Variants in EML5 observed in about 807,000 individuals in gnomAD.
The protein encoded by EML5 is echinoderm microtubule-associated protein-like 5.
Under a neutral mutation model 250.0 loss-of-function variants are expected in EML5, and 120 were observed. The ratio of observed to expected loss-of-function variants is 0.48; its 90% CI spans 0.41 to 0.56. The LOEUF (loss-of-function observed/expected upper bound fraction) is 0.56. EML5 is among the 20% of genes least tolerant of loss of function. EML5 has a pLI of 0.00. For missense variants in EML5, 2,006 were observed against 2,437.6 expected (o/e 0.82, Z 3.73); for synonymous variants, 771 against 806.5 (o/e 0.96, Z 0.75).
In EML5 at chr14:88,688,338, T is replaced by C; in HGVS notation, c.2675A>G (p.Asp892Gly). 1.2e-6 allele frequency: 2 copies of C among 1,613,996 alleles called. No individual in the cohort carries two copies. The highest frequency in any genetic ancestry group is 1.7e-6 in the Non-Finnish European group (2 of 1,179,892). Residue 892 changes from aspartate (D) to glycine (G), a missense_variant, in exon 18 of 44, where the codon GAC becomes GGC. This residue lies in a region of EML5 where 1,375 missense variants were observed against 1,590.3 expected (regional missense o/e 0.86). Coordinates refer to ENST00000554922, the MANE Select transcript of EML5 (RefSeq NM_183387.3). ...TSTGDVCIWR[D>G]IFLVKTVKAH... ...TTTCACTGTTTTTACAAGAAAGATGTCTCTCCAGATACACACATCTCCTGT... is the reference window on the plus strand; with the variant it reads ...TTTCACTGTTTTTACAAGAAAGATGCCTCTCCAGATACACACATCTCCTGT...
intron 28 of EML5, among the ~76,000 whole-genome samples, chr14:88,648,688 C>T (rs1446383308): frequency 4.6e-5 from 7 of 152,056 alleles, no homozygotes. Flanking sequence ...AGTGGCCTCC[C>T]AACCTCCCTT....
chr14:88,654,678 C>CAAAAGGAG (rs994885310), intron 27 of EML5, among the ~76,000 whole-genome samples: 2 of 152,096 alleles, frequency 1.3e-5, no homozygotes, highest in African/African-American at 4.8e-5. Flanking sequence ...TTTGCATTTG[C>CAAAAGGAG]TGAGGAGTGT....
rs138618539 is a variant in EML5, at chr14:88,780,030, T to C, written c.197+12277A>G. On this transcript the variant is annotated intron_variant, in intron 1 of 43. Coordinates refer to ENST00000554922, the MANE Select transcript of EML5 (RefSeq NM_183387.3). ...AGTGGTGCAATCTCGGCTCACTCTGTAACCTCCACCTCCCAGGTTCAAGAG... is the reference window on the plus strand; with the variant it reads ...AGTGGTGCAATCTCGGCTCACTCTGCAACCTCCACCTCCCAGGTTCAAGAG... 5.7e-3 allele frequency among the ~76,000 whole-genome samples: 861 copies of C among 152,202 alleles called. 7 individuals carry two copies. Among genetic ancestry groups the C allele is most frequent in the African/African-American group, 0.02 (830 of 41,532 alleles).
intron 19 of EML5, among the ~76,000 whole-genome samples, chr14:88,686,124 G>T (rs1229261239): frequency 6.6e-6 from 1 of 151,944 alleles, no homozygotes; most frequent in African/African-American, 2.4e-5. Context: ...AGATGAGGGT[G>T]GGGGAAATCA....
chr14:88,789,883 T>A (rs551713542), intron 1 of EML5, among the ~76,000 whole-genome samples: 1 of 152,376 alleles, frequency 6.6e-6, no homozygotes, highest in African/African-American at 2.4e-5. Flanking sequence ...CAATAAGTTT[T>A]ACATAAGTTT....
chr14:88,689,498 T>C (rs1293144118), intron 17 of EML5, among the ~76,000 whole-genome samples: 1 of 152,258 alleles, frequency 6.6e-6, no homozygotes, highest in Non-Finnish European at 1.5e-5. Context: ...TTACTGGCCA[T>C]CATTACCTAT....
intron 21 of EML5, among the ~76,000 whole-genome samples, chr14:88,671,351 T>C (rs189449918): frequency 6.6e-6 from 1 of 152,154 alleles, no homozygotes. Context: ...GACAAGCAAA[T>C]GCTGAGGGAA....
chr14:88,697,949 C>T (rs1290813197), intron 14 of EML5, among the ~76,000 whole-genome samples: 2 of 151,984 alleles, frequency 1.3e-5, no homozygotes. Flanking sequence ...GTTGGTCAGG[C>T]TGGTCTCAAA....
chr14:88,613,194 A>G lies in EML5; in HGVS notation c.*2624T>C, dbSNP rs965922319. 1 of 152,178 alleles carries G rather than the reference A, an allele frequency of 6.6e-6. No individual in the cohort carries two copies. Among genetic ancestry groups the G allele is most frequent in the Admixed American group, 6.5e-5 (1 of 15,288 alleles). The allele number at this position is 152,178 out of a possible 1,614,324, so 9.4% of individuals were successfully genotyped here. The stretch of plus-strand genomic sequence containing the variant: ...TGATCCCACAGGAAAGGCTTGAAAC[A>G]CGAGAAGCAGCAAAGACAGAGCACA... On this transcript the variant is annotated 3_prime_UTR_variant, in exon 44 of 44. Coordinates refer to ENST00000554922, the MANE Select transcript of EML5 (RefSeq NM_183387.3).
rs755456351 is a variant in EML5, at chr14:88,627,771, A to G, written c.4406T>C (p.Leu1469Ser). ...HIWDAMNKQT[L>S]SILRCYHSKG... ...TGAATGGTAGCATCTTAGGATAGAT[A>G]AAGTCTGCTTGTTCATTGCATCCCA... Residue 1469 changes from leucine to serine, a missense_variant, in exon 34 of 44, where the codon TTA becomes TCA. Physicochemically the swap from Leu to Ser is moderately radical, Grantham distance 145. This residue lies in a region of EML5 where 1,375 missense variants were observed against 1,590.3 expected (regional missense o/e 0.86). Transcript: ENST00000554922. 1 of 1,610,142 alleles carries G rather than the reference A, an allele frequency of 6.2e-7. No individual in the cohort carries two copies. Among genetic ancestry groups the G allele is most frequent in the South Asian group, 1.1e-5 (1 of 90,346 alleles).
At chr14:88,741,907 T>G (rs2140259875) in intron 4 of EML5, among the ~76,000 whole-genome samples, 1 of 152,338 alleles carries the variant, frequency 6.6e-6, no homozygotes, top group East Asian at 1.9e-4. Flanking sequence ...TCATTATCTA[T>G]TCAAAGATCT....
chr14:88,623,503 C>G (rs2140348929), intron 36 of EML5: 1 of 151,322 alleles, frequency 6.6e-6, no homozygotes, highest in South Asian at 2.1e-4. Flanking sequence ...TCACTGCAAC[C>G]TGTGCCTCCC....
At chr14:88,644,201 TACAGTTCAATTAGGGTATTATTC>T (rs1167327006) in intron 30 of EML5, among the ~76,000 whole-genome samples, 2 of 152,158 alleles carry the variant, frequency 1.3e-5, no homozygotes, top group Admixed American at 1.3e-4. Flanking sequence ...TCCTCTGAGA[TACAGTTCAATTAGGGTATTATTC>T]ACAGAAAAGT....
At chr14:88,640,720 G>A (rs2091014768) in intron 31 of EML5, among the ~76,000 whole-genome samples, 1 of 151,694 alleles carries the variant, frequency 6.6e-6, no homozygotes, top group African/African-American at 2.4e-5. Context: ...GAGCAGAAAT[G>A]AACAATACTG....
intron 1 of EML5, among the ~76,000 whole-genome samples, chr14:88,762,521 AAAAGAAACTTAC>A (rs2094259691): frequency 6.6e-6 from 1 of 151,924 alleles, no homozygotes; most frequent in Non-Finnish European, 1.5e-5. Context: ...GGGGGAAAAA[AAAAGAAACTTAC>A]AAAGAGATTT....
At chr14:88,659,182 T>A (rs931755570) in intron 25 of EML5, among the ~76,000 whole-genome samples, 2 of 152,102 alleles carry the variant, frequency 1.3e-5, no homozygotes, top group African/African-American at 2.4e-5. Flanking sequence ...AAATGAGAGA[T>A]GTCTTATACA....
intron 27 of EML5, among the ~76,000 whole-genome samples, chr14:88,655,405 G>A (rs556319310): frequency 1.3e-5 from 2 of 152,208 alleles, no homozygotes; most frequent in African/African-American, 4.8e-5. Context: ...AAATGGTGTT[G>A]GGGAAACTAG....
intron 27 of EML5, among the ~76,000 whole-genome samples, chr14:88,656,545 A>AC (rs1180253611): frequency 6.6e-6 from 1 of 152,156 alleles, no homozygotes; most frequent in East Asian, 1.9e-4. Context: ...GCAGCAAACC[A>AC]CCATGGCACA....
chr14:88,616,129 G>T lies in EML5; in HGVS notation c.5897+13C>A. 6.2e-7 allele frequency: 1 copy of T among 1,612,636 alleles called. No individual in the cohort carries two copies. The highest frequency in any genetic ancestry group is 8.5e-7 in the Non-Finnish European group (1 of 1,178,756). On this transcript the variant is annotated intron_variant, in intron 43 of 43. Transcript: ENST00000554922. ...ACATAGTCTGCTCTTCATGGGCTGA[G>T]AAAGTTACTAACCTGCAGTCATCAC...
Sources: gnomAD v4.1 joint callset for allele counts (sites outside exome capture counted in the v4.1 genomes callset) on GRCh38, gnomAD v4.1.1 for gene constraint, gnomAD v4.1.1 regional missense constraint, MANE v1.5 for transcripts, NCBI Gene and HGNC (gene_info 2026-07-23, HGNC 2026-07-21) for gene names.